The following NTRK3 variants were observed in gnomAD, a reference collection of about 807,000 sequenced individuals.
NTRK3 encodes the protein neurotrophic receptor tyrosine kinase 3, also known as NT-3 growth factor receptor.
NTRK3 carries 24 observed loss-of-function variants against 91.7 expected under a neutral mutation model. The ratio of observed to expected loss-of-function variants is 0.26; its 90% CI spans 0.19 to 0.37. The LOEUF (loss-of-function observed/expected upper bound fraction) is 0.37. NTRK3 is among the 10% of genes least tolerant of loss of function. NTRK3 has a pLI of 1.00. For synonymous variants in NTRK3, 483 were observed against 404.0 expected, an observed-to-expected ratio of 1.20 and a Z score of -2.34; for missense variants, 880 against 1,068.9, an observed-to-expected ratio of 0.82 and a Z score of 2.46.
At chr15:87,998,966 A>G (rs2075906053) in intron 14 of NTRK3, among the ~76,000 whole-genome samples, 1 of 152,124 alleles carries the variant, frequency 6.6e-6, no homozygotes, top group African/African-American at 2.4e-5. Context: ...ATGTACTGCA[A>G]TGGAGGAAGG....
In NTRK3 at chr15:88,127,761, C is replaced by T. The variant is rs183085843; in HGVS notation, c.1229-535G>A. On this transcript the variant is annotated intron_variant, in intron 11 of 18. Transcript: ENST00000394480. ...ATCAATCAGCCCACTATCCATTCCC[C>T]TAACACTGATTTCAGAACACAAGGG... Among the ~76,000 whole-genome samples, 245 of 152,300 alleles carry T rather than the reference C, an allele frequency of 1.6e-3. 2 individuals carry two copies. Among genetic ancestry groups the T allele is most frequent in the Non-Finnish European group, 5.6e-4 (38 of 68,024 alleles).
At position 88,234,245 on chromosome 15, in the gene NTRK3, CA is replaced by C. The variant is rs1169117153; in HGVS notation, c.248+21660del. Among the ~76,000 whole-genome samples the C allele has an allele frequency of 6.6e-6, 1 of 152,172 alleles. No individual in the cohort carries two copies. The highest frequency in any genetic ancestry group is 2.4e-5 in the African/African-American group (1 of 41,444). On this transcript the variant is annotated intron_variant, in intron 3 of 18. Coordinates refer to ENST00000394480, the Ensembl canonical transcript of NTRK3. The surrounding 1 kb of genome is among the most constrained non-coding windows in gnomAD (Gnocchi z 6.1). ...CCCCGCTCGACCTTCAAAAAGCTCC[CA>C]TAGCCTACACATCTCCAGACTGCAC...
At chr15:88,081,882 C>G (rs890228119) in intron 13 of NTRK3, among the ~76,000 whole-genome samples, 14 of 152,192 alleles carry the variant, frequency 9.2e-5, no homozygotes, top group Non-Finnish European at 1.8e-4. Context: ...CAGGTGCACT[C>G]AACTCTGCTG....
In NTRK3 at chr15:88,234,223, C is replaced by A. The variant is rs571603052; in HGVS notation, c.248+21683G>T. ...TCCAAGGTTGTCTCTCATCGCCCCC[C>A]GCTCGACCTTCAAAAAGCTCCCATA... is the stretch of plus-strand genomic sequence containing the variant. On this transcript the variant is annotated intron_variant, in intron 3 of 18. Coordinates refer to ENST00000394480, the Ensembl canonical transcript of NTRK3. The surrounding 1 kb of genome is among the most constrained non-coding windows in gnomAD (Gnocchi z 6.1). 6.6e-6 allele frequency among the ~76,000 whole-genome samples: 1 copy of A among 152,114 alleles called. No individual in the cohort carries two copies. Among genetic ancestry groups the A allele is most frequent in the African/African-American group, 2.4e-5 (1 of 41,408 alleles).
At chr15:88,236,781 A>C (rs2051817519) in intron 3 of NTRK3, among the ~76,000 whole-genome samples, 1 of 151,110 alleles carries the variant, frequency 6.6e-6, no homozygotes, top group Non-Finnish European at 1.5e-5. Context: ...AAAAAAAAAA[A>C]AAAAAAAACA....
At chr15:87,883,790 CT>C (rs2065380570) in intron 17 of NTRK3, among the ~76,000 whole-genome samples, 1 of 150,236 alleles carries the variant, frequency 6.7e-6, no homozygotes, top group South Asian at 2.1e-4. Flanking sequence ...TAAAAGTTGT[CT>C]TTGGGCAATT....
At chr15:87,981,405 A>G in intron 14 of NTRK3, 2 of 1,613,642 alleles carry the variant, frequency 1.2e-6, no homozygotes, top group Non-Finnish European at 1.7e-6. Flanking sequence ...TCAGTATTAA[A>G]CCCCAAGTGC....
chr15:88,254,429 G>C (rs545627490), intron 3 of NTRK3, among the ~76,000 whole-genome samples: 1 of 152,156 alleles, frequency 6.6e-6, no homozygotes, highest in African/African-American at 2.4e-5. Flanking sequence ...GTTGAAGAGG[G>C]TAAGGGGGTG....
At chr15:88,244,560 C>T (rs776872841) in intron 3 of NTRK3, among the ~76,000 whole-genome samples, 1 of 150,536 alleles carries the variant, frequency 6.6e-6, no homozygotes, top group Non-Finnish European at 1.5e-5. Context: ...GAAGATGGCA[C>T]CTGGGAAAAA....
At chr15:87,966,571 C>T (rs1253507332) in intron 14 of NTRK3, among the ~76,000 whole-genome samples, 1 of 152,240 alleles carries the variant, frequency 6.6e-6, no homozygotes, top group East Asian at 1.9e-4. Context: ...GATGTTCCCA[C>T]TGCCCCCACA....
chr15:88,219,810 C>G (rs1157973832), intron 3 of NTRK3, among the ~76,000 whole-genome samples: 1 of 152,248 alleles, frequency 6.6e-6, no homozygotes, highest in Non-Finnish European at 1.5e-5. Flanking sequence ...TACATCATCT[C>G]TCAGCCCATG....
chr15:87,865,438 G>A (rs752060764), exon 19 of NTRK3: 11 of 213,958 alleles, frequency 5.1e-5, no homozygotes, highest in South Asian at 1.9e-4. Flanking sequence ...ACATTTCTCC[G>A]TGGGAATCCC....
In NTRK3 at chr15:88,234,046, G is replaced by A. The variant is rs767363855; in HGVS notation, c.248+21860C>T. ...GTCCCTTTCTGCCACCATGCACCTC[G>A]ATGCCTCTCGGGTGGGACCAAGCCT... On this transcript the variant is annotated intron_variant, in intron 3 of 18. Transcript: ENST00000394480. This position sits in a 1 kb window ranked among gnomAD's most constrained non-coding sequence, Gnocchi z 6.1. Among the ~76,000 whole-genome samples the A allele has an allele frequency of 1.3e-5, 2 of 152,204 alleles. No homozygotes were observed. The highest frequency in any genetic ancestry group is 4.8e-5 in the African/African-American group (2 of 41,532).
At chr15:88,256,004 A>T (rs779572834) in exon 3 of NTRK3, 1 of 1,613,254 alleles carries the variant, frequency 6.2e-7, no homozygotes, top group East Asian at 2.2e-5. Flanking sequence ...AGAGGTTCCC[A>T]TCGTCCGGCC....
intron 5 of NTRK3, among the ~76,000 whole-genome samples, chr15:88,154,933 C>G (rs534526932): frequency 2.6e-5 from 4 of 152,130 alleles, no homozygotes; most frequent in Non-Finnish European, 4.4e-5. Context: ...CCAAAAAATA[C>G]CCACATAACA....
At chr15:88,038,422 G>A (rs1422501648) in intron 13 of NTRK3, among the ~76,000 whole-genome samples, 1 of 152,158 alleles carries the variant, frequency 6.6e-6, no homozygotes, top group Non-Finnish European at 1.5e-5. Context: ...CTCTGCAACT[G>A]GCCCCTGCCT....
At chr15:88,029,282 G>A (rs1246484025) in intron 14 of NTRK3, among the ~76,000 whole-genome samples, 1 of 152,204 alleles carries the variant, frequency 6.6e-6, no homozygotes, top group East Asian at 1.9e-4. Flanking sequence ...CAGAGCCCTT[G>A]CTGGGAACAT....
intron 13 of NTRK3, among the ~76,000 whole-genome samples, chr15:88,064,689 T>A (rs1013823301): frequency 6.6e-6 from 1 of 152,164 alleles, no homozygotes; most frequent in Admixed American, 6.5e-5. Flanking sequence ...AGGGTGGACA[T>A]GACAGAACCA....
chr15:88,134,565 T>C (rs1017439117), intron 10 of NTRK3, among the ~76,000 whole-genome samples: 1 of 152,164 alleles, frequency 6.6e-6, no homozygotes, highest in Admixed American at 6.5e-5. Flanking sequence ...GCAAGTAGAA[T>C]GAGGATCAGG....
Sources: allele counts gnomAD v4.1 joint callset (sites outside exome capture counted in the v4.1 genomes callset), GRCh38; gene constraint gnomAD v4.1.1; non-coding constraint Gnocchi (gnomAD v3.1); transcripts MANE v1.5; gene names NCBI Gene and HGNC (gene_info 2026-07-23, HGNC 2026-07-21).